TEX14: variants seen among roughly 807,000 people sequenced by gnomAD.
TEX14 encodes the protein testis expressed 14, intercellular bridge forming factor, also known as inactive serine/threonine-protein kinase TEX14.
In TEX14, 168 loss-of-function variants were observed where a neutral mutation model predicts 178.6. The observed-to-expected ratio is 0.94, with a 90% CI of 0.83 to 1.07. The LOEUF (loss-of-function observed/expected upper bound fraction) is 1.07, where lower values mean the gene tolerates loss of function less well. Among genes scored for constraint, TEX14 ranks in the 50% least tolerant of loss-of-function variants. The pLI is 0.00. For missense variants in TEX14, 1,730 were observed against 1,753.6 expected (o/e 0.99, Z 0.24); for synonymous variants, 626 against 634.1 (o/e 0.99, Z 0.19).
At chr17:58,628,463 A>G (rs1221183266) in intron 3 of TEX14, among the ~76,000 whole-genome samples, 3 of 152,210 alleles carry the variant, frequency 2.0e-5, no homozygotes, top group African/African-American at 7.2e-5. Flanking sequence ...CTGTAATCCC[A>G]GCACTTTGGG....
chr17:58,599,693 C>A (rs914216603), intron 13 of TEX14, 27 bp from the exon 14 acceptor site: 1 of 1,581,878 alleles, frequency 6.3e-7, no homozygotes, highest in Admixed American at 1.7e-5. Context: ...CAAAATGCAA[C>A]TCATTAAAAT....
At chr17:58,627,177 G>T (rs544842197) in intron 3 of TEX14, among the ~76,000 whole-genome samples, 1 of 152,082 alleles carries the variant, frequency 6.6e-6, no homozygotes, top group Non-Finnish European at 1.5e-5. Flanking sequence ...CCTGATCTCA[G>T]CTGTGTCATT....
At chr17:58,579,413 TACA>T (rs2044756971) in intron 20 of TEX14, among the ~76,000 whole-genome samples, 2 of 152,318 alleles carry the variant, frequency 1.3e-5, no homozygotes, top group South Asian at 2.1e-4. Context: ...AAGCAGTGAC[TACA>T]ACAACATTTG....
chr17:58,648,479 G>T (rs545408381), intron 2 of TEX14, among the ~76,000 whole-genome samples: 2 of 152,270 alleles, frequency 1.3e-5, no homozygotes, highest in South Asian at 2.1e-4. Flanking sequence ...GTGCAAGTGT[G>T]ACTAATTACT....
rs115284972 is a variant in TEX14, at chr17:58,601,950, T to C, written c.1534A>G (p.Thr512Ala). The C allele has an allele frequency of 7.5e-5, 121 of 1,612,870 alleles. No individual in the cohort carries two copies. In the African/African-American group the frequency reaches 1.3e-3, roughly 17 times the overall value. ...YILKNDLKDFTGAQRTQPTES... is the reference protein window; with the variant it reads ...YILKNDLKDFAGAQRTQPTES... ...GTTGGTTGAGTTCTCTGGGCTCCAG[T>C]AAAATCCTGTAACACAGGAAATATT... Residue 512 changes from threonine to alanine, a missense_variant, in exon 13 of 32, where the codon ACT becomes GCT. This residue lies in a region of TEX14 where 789 missense variants were observed against 681.2 expected (regional missense o/e 1.16). Transcript: ENST00000349033.
At chr17:58,686,940 C>T (rs535160731) in intron 1 of TEX14, among the ~76,000 whole-genome samples, 2 of 133,458 alleles carry the variant, frequency 1.5e-5, no homozygotes, top group African/African-American at 5.6e-5. Flanking sequence ...GGGGAGGGAT[C>T]TCAGCTCACA....
Position 58,659,074 on chromosome 17 carries a change from G to A in TEX14, c.-1-7072C>T, listed in dbSNP as rs540939868. 5.7e-3 allele frequency among the ~76,000 whole-genome samples: 647 copies of A among 113,030 alleles called. 5 individuals are homozygous for A. The highest frequency in any genetic ancestry group is 8.4e-3 in the Middle Eastern group (2 of 238). 74.2% of individuals were successfully genotyped at this position (113,030 alleles called of 152,430 possible). Reference sequence around the variant, plus strand: ...TAACCACAACTCCAAAACCAAACGCGCGCCACTACAACAACTCTGAAAATA... The same window carrying A: ...TAACCACAACTCCAAAACCAAACGCACGCCACTACAACAACTCTGAAAATA... On this transcript the variant is annotated intron_variant, in intron 1 of 31. Coordinates refer to ENST00000349033, the MANE Select transcript of TEX14 (RefSeq NM_031272.5).
chr17:58,670,872 T>C (rs2047294926), intron 1 of TEX14, among the ~76,000 whole-genome samples: 1 of 151,136 alleles, frequency 6.6e-6, no homozygotes, highest in Admixed American at 6.6e-5. Context: ...AATAAAATGA[T>C]AGAAGTACAT....
chr17:58,664,206 GA>G (rs2143404594), intron 1 of TEX14, among the ~76,000 whole-genome samples: 1 of 152,272 alleles, frequency 6.6e-6, no homozygotes, highest in African/African-American at 2.4e-5. Flanking sequence ...TTTTATTCCA[GA>G]AGGTTTGATT....
At chr17:58,684,506 A>T (rs2143582584) in intron 1 of TEX14, among the ~76,000 whole-genome samples, 1 of 151,220 alleles carries the variant, frequency 6.6e-6, no homozygotes, top group African/African-American at 2.4e-5. Context: ...GCATGGTGAC[A>T]CGTGCCTGTT....
chr17:58,592,700 G>A lies in TEX14; in HGVS notation c.2576+855C>T, dbSNP rs529214133. Among the ~76,000 whole-genome samples, 172 of 151,808 alleles carry A rather than the reference G, an allele frequency of 1.1e-3. 1 individual carries two copies. Among genetic ancestry groups the A allele is most frequent in the African/African-American group, 3.7e-3 (155 of 41,376 alleles). On this transcript the variant is annotated intron_variant, in intron 15 of 31. Coordinates refer to ENST00000349033, the MANE Select transcript of TEX14 (RefSeq NM_031272.5). ...ATTACAGGTGCCCGCCACCACGCCC[G>A]GCTAATTTATGTATTTTTAGTAGAG...
intron 9 of TEX14, 70 bp from the exon 10 acceptor site, chr17:58,611,409 G>C: frequency 8.6e-7 from 1 of 1,159,086 alleles, no homozygotes; most frequent in Non-Finnish European, 1.3e-6. Context: ...AGCATTTTGT[G>C]ATTTCCAGTC....
intron 1 of TEX14, among the ~76,000 whole-genome samples, chr17:58,664,602 G>A (rs1018714851): frequency 1.3e-5 from 2 of 152,174 alleles, no homozygotes; most frequent in African/African-American, 4.8e-5. Flanking sequence ...TAAGATCATA[G>A]TCTGTAGGGA....
chr17:58,621,614 T>C (rs1237244101), intron 5 of TEX14, 36 bp downstream of exon 5: 3 of 1,573,978 alleles, frequency 1.9e-6, no homozygotes, highest in Non-Finnish European at 2.6e-6. Context: ...GGCTGGGTGA[T>C]GGAGACTATC....
rs1004574322 is a variant in TEX14, at chr17:58,674,915, G to T, written c.-2+17024C>A. ...ATCCCAGCACTGTGGGAGGCTGAGG[G>T]GGGGTGCATCACTTGAAGCCAGGAG... On this transcript the variant is annotated intron_variant, in intron 1 of 31. Transcript: ENST00000349033. Among the ~76,000 whole-genome samples the T allele has an allele frequency of 7.3e-5, 11 of 151,594 alleles. No homozygotes were observed. The East Asian group carries it at 1.4e-3, about 19-fold the overall frequency.
intron 1 of TEX14, chr17:58,661,850 T>A (rs2047119111): frequency 2.4e-6 from 1 of 418,472 alleles, no homozygotes; most frequent in Non-Finnish European, 4.2e-6. Flanking sequence ...AAAGTGGGAA[T>A]AATACTGCCT....
At chr17:58,643,959 A>G (rs1342628480) in intron 2 of TEX14, among the ~76,000 whole-genome samples, 1 of 144,246 alleles carries the variant, frequency 6.9e-6, no homozygotes, top group Non-Finnish European at 1.5e-5. Flanking sequence ...CCCCCCAAAT[A>G]CCTCATAGCC....
Position 58,669,300 on chromosome 17 carries a change from C to T in TEX14, c.-1-17298G>A, listed in dbSNP as rs565134555. Among the ~76,000 whole-genome samples the T allele has an allele frequency of 5.4e-5, 8 of 148,044 alleles. No individual in the cohort carries two copies. In the South Asian group the frequency reaches 6.5e-4, roughly 12 times the overall value. On this transcript the variant is annotated intron_variant, in intron 1 of 31. Coordinates refer to ENST00000349033, the MANE Select transcript of TEX14 (RefSeq NM_031272.5). ...CCAGGAGGCAGAGGTTGCAGTGAGC[C>T]GAGATCATGCCACTGCACTCCAGCC... is the stretch of plus-strand genomic sequence containing the variant.
intron 1 of TEX14, among the ~76,000 whole-genome samples, chr17:58,662,196 A>G (rs1437720182): frequency 1.3e-5 from 2 of 151,016 alleles, no homozygotes; most frequent in African/African-American, 4.9e-5. Flanking sequence ...TCACTCCTGT[A>G]ATCCCCCACT....
Sources: allele counts gnomAD v4.1 joint callset (sites outside exome capture counted in the v4.1 genomes callset), GRCh38; gene constraint gnomAD v4.1.1; regional missense constraint gnomAD v4.1.1; transcripts MANE v1.5; gene names NCBI Gene and HGNC (gene_info 2026-07-23, HGNC 2026-07-21).